BCL2: variants seen among roughly 807,000 people sequenced by gnomAD.
BCL2 encodes apoptosis regulator Bcl-2.
A neutral mutation model predicts 14.2 loss-of-function variants in BCL2; 1 was observed. The ratio of observed to expected loss-of-function variants is 0.07; its 90% CI spans 0.02 to 0.33. The LOEUF is 0.33. BCL2 is among the 10% of genes least tolerant of loss of function. The pLI, the probability that BCL2 is intolerant of heterozygous loss-of-function variation, is 0.99. For synonymous variants in BCL2, 151 were observed against 137.2 expected (o/e 1.10, Z -0.70); for missense variants, 247 against 305.9 (o/e 0.81, Z 1.44).
At chr18:63,293,585 G>C (rs922123874) in intron 2 of BCL2, among the ~76,000 whole-genome samples, 1 of 152,216 alleles carries the variant, frequency 6.6e-6, no homozygotes, top group African/African-American at 2.4e-5. Flanking sequence ...CAGGCTCTGA[G>C]GAGGCAGCTT....
At chr18:63,163,656 G>GA (rs934403468) in intron 2 of BCL2, among the ~76,000 whole-genome samples, 21 of 151,592 alleles carry the variant, frequency 1.4e-4, no homozygotes, top group Admixed American at 2.0e-4. Context: ...TCAGTAAAAT[G>GA]AAAAAAAACA....
intron 2 of BCL2, among the ~76,000 whole-genome samples, chr18:63,148,812 A>C (rs1312332200): frequency 6.6e-6 from 1 of 152,190 alleles, no homozygotes; most frequent in Non-Finnish European, 1.5e-5. Context: ...CATATAGATC[A>C]TCTAGTGTGG....
chr18:63,203,365 CA>C (rs1434955920), intron 2 of BCL2, among the ~76,000 whole-genome samples: 1 of 152,146 alleles, frequency 6.6e-6, no homozygotes, highest in Non-Finnish European at 1.5e-5. Context: ...ATGTGTAAAA[CA>C]AGAGAAAACT....
chr18:63,233,821 A>G (rs1910750083), intron 2 of BCL2, among the ~76,000 whole-genome samples: 1 of 152,148 alleles, frequency 6.6e-6, no homozygotes, highest in Non-Finnish European at 1.5e-5. Context: ...CTGCTGGGAA[A>G]GCTGTGGAAG....
chr18:63,312,080 G>A (rs1913342522), intron 2 of BCL2, among the ~76,000 whole-genome samples: 1 of 152,206 alleles, frequency 6.6e-6, no homozygotes, highest in South Asian at 2.1e-4. Context: ...ACAGAATTTT[G>A]ACCTGCCCAG....
At chr18:63,229,660 C>T (rs1910639767) in intron 2 of BCL2, among the ~76,000 whole-genome samples, 1 of 152,206 alleles carries the variant, frequency 6.6e-6, no homozygotes, top group African/African-American at 2.4e-5. Flanking sequence ...TAAAAGCTCC[C>T]TGTGGCTTTC....
At chr18:63,196,146 T>A (rs145465509) in intron 2 of BCL2, among the ~76,000 whole-genome samples, 3,315 of 152,322 alleles carry the variant, frequency 0.022, 53 homozygotes, top group Admixed American at 0.046. Flanking sequence ...TGCCAAGTTA[T>A]CTGTATCCCT....
chr18:63,149,943 G>A lies in BCL2; in HGVS notation c.586-21184C>T, dbSNP rs1163629456. On this transcript the variant is annotated intron_variant, in intron 2 of 2. Transcript: ENST00000333681. This position sits in a 1 kb window ranked among gnomAD's most constrained non-coding sequence, Gnocchi z 4.2. The stretch of plus-strand genomic sequence containing the variant: ...TACCCAGGCTGGAGTGCAGTGGTGC[G>A]ATCTCGGCTCACTGCAGCCTCTGCC... Among the ~76,000 whole-genome samples the A allele has an allele frequency of 1.3e-5, 2 of 151,882 alleles. No individual in the cohort carries two copies. Among genetic ancestry groups the A allele is most frequent in the Non-Finnish European group, 2.9e-5 (2 of 67,980 alleles).
intron 2 of BCL2, among the ~76,000 whole-genome samples, chr18:63,292,777 C>T (rs1462994844): frequency 6.6e-6 from 1 of 152,226 alleles, no homozygotes; most frequent in African/African-American, 2.4e-5. Context: ...AAGACTCCCA[C>T]TGCAGGAAAC....
intron 2 of BCL2, among the ~76,000 whole-genome samples, chr18:63,192,222 G>A (rs1309395238): frequency 2.0e-5 from 3 of 152,200 alleles, no homozygotes; most frequent in Admixed American, 6.5e-5. Context: ...GATTTGAAAG[G>A]CAAGAAGGAG....
chr18:63,133,213 T>C (rs1000275209), intron 2 of BCL2, among the ~76,000 whole-genome samples: 8 of 151,176 alleles, frequency 5.3e-5, no homozygotes, highest in Non-Finnish European at 1.2e-4. Flanking sequence ...GGGTCAAGAC[T>C]CCTAAACTCA....
In BCL2 at chr18:63,215,128, A is replaced by G. The variant is rs115873511; in HGVS notation, c.586-86369T>C. Reference sequence around the variant, plus strand: ...TGTGATGGTCATATTATTGCCCCATATTTGTCTTGATGTTTTGGATTTCAA... The same window carrying G: ...TGTGATGGTCATATTATTGCCCCATGTTTGTCTTGATGTTTTGGATTTCAA... On this transcript the variant is annotated intron_variant, in intron 2 of 2. Transcript: ENST00000333681. Among the ~76,000 whole-genome samples the G allele has an allele frequency of 7.0e-3, 1,062 of 152,220 alleles. 12 individuals carry two copies. The highest frequency in any genetic ancestry group is 0.024 in the African/African-American group (1,008 of 41,540).
At chr18:63,240,455 CAA>C (rs1910968566) in intron 2 of BCL2, among the ~76,000 whole-genome samples, 1 of 152,162 alleles carries the variant, frequency 6.6e-6, no homozygotes, top group Non-Finnish European at 1.5e-5. Context: ...TTCAAATGTT[CAA>C]AAATTTTCTA....
chr18:63,161,797 G>C (rs1035492672), intron 2 of BCL2: 1 of 152,224 alleles, frequency 6.6e-6, no homozygotes, highest in Non-Finnish European at 1.5e-5. Context: ...CACGTCAGCT[G>C]TCACAGGAGG....
chr18:63,283,365 G>C (rs1490213136), intron 2 of BCL2, among the ~76,000 whole-genome samples: 1 of 152,164 alleles, frequency 6.6e-6, no homozygotes, highest in Non-Finnish European at 1.5e-5. Context: ...TCAACCAAAA[G>C]CTTTTAGGGT....
intron 2 of BCL2, among the ~76,000 whole-genome samples, chr18:63,207,411 G>A (rs1018075962): frequency 2.6e-5 from 4 of 152,248 alleles, no homozygotes; most frequent in African/African-American, 9.6e-5. Flanking sequence ...GGAAACCAGC[G>A]ACAGAGCCTT....
intron 2 of BCL2, among the ~76,000 whole-genome samples, chr18:63,166,041 C>T (rs926392635): frequency 6.6e-6 from 1 of 152,186 alleles, no homozygotes; most frequent in Non-Finnish European, 1.5e-5. Flanking sequence ...TGGTTATGGC[C>T]AGGGTTGCAG....
intron 2 of BCL2, among the ~76,000 whole-genome samples, chr18:63,290,391 G>T (rs1020754540): frequency 6.6e-6 from 1 of 151,812 alleles, no homozygotes; most frequent in Non-Finnish European, 1.5e-5. Flanking sequence ...GAAAAAAAAA[G>T]TGAGACAATG....
chr18:63,297,429 T>G (rs1488494921), intron 2 of BCL2, among the ~76,000 whole-genome samples: 1 of 152,210 alleles, frequency 6.6e-6, no homozygotes, highest in Non-Finnish European at 1.5e-5. Context: ...TACACTCCAA[T>G]CGCATCTCAA....
Sources: gnomAD v4.1 joint callset for allele counts (sites outside exome capture counted in the v4.1 genomes callset) on GRCh38, gnomAD v4.1.1 for gene constraint, Gnocchi (gnomAD v3.1) non-coding constraint, MANE v1.5 for transcripts, NCBI Gene and HGNC (gene_info 2026-07-23, HGNC 2026-07-21) for gene names.